The following ACTR3B variants were observed in gnomAD, a reference collection of about 807,000 sequenced individuals.
The protein encoded by ACTR3B is actin related protein 3B.
Under a neutral mutation model 59.0 loss-of-function variants are expected in ACTR3B, and 8 were observed. That is an observed-to-expected ratio of 0.14 (90% confidence interval 0.08 to 0.24). The LOEUF is 0.24. Among genes scored for constraint, ACTR3B ranks in the 10% least tolerant of loss-of-function variants. The pLI, the probability that ACTR3B is intolerant of heterozygous loss-of-function variation, is 1.00. For synonymous variants in ACTR3B, 148 were observed against 197.9 expected (o/e 0.75, Z 2.12); for missense variants, 245 against 552.3 (o/e 0.44, Z 5.58).
At chr7:152,833,588 CTG>C (rs2116920210) in intron 9 of ACTR3B, among the ~76,000 whole-genome samples, 1 of 152,218 alleles carries the variant, frequency 6.6e-6, no homozygotes, top group African/African-American at 2.4e-5. Context: ...ATAGGTGGCA[CTG>C]TGTGTCTGTT....
At position 152,767,679 on chromosome 7, in the gene ACTR3B, G is replaced by A. The variant is rs62494299; in HGVS notation, c.44+7753G>A. On this transcript the variant is annotated intron_variant, in intron 1 of 11. Coordinates refer to ENST00000256001, the MANE Select transcript of ACTR3B (RefSeq NM_020445.6). ...ATTTTGTGTCTTTTAGGAATATTGT[G>A]GTGTTTCTGCAGGTAGATTTCTTGT... Among the ~76,000 whole-genome samples the A allele has an allele frequency of 9.8e-3, 1,487 of 152,082 alleles. 18 individuals are homozygous for A. The highest frequency in any genetic ancestry group is 0.017 in the Non-Finnish European group (1,181 of 67,976).
intron 1 of ACTR3B, among the ~76,000 whole-genome samples, chr7:152,760,885 A>C (rs1243192082): frequency 6.6e-6 from 1 of 151,938 alleles, no homozygotes; most frequent in East Asian, 1.9e-4. Context: ...CCTGGAAGTA[A>C]ATTTGGTCTC....
At chr7:152,828,518 G>A (rs1473458791) in intron 9 of ACTR3B, among the ~76,000 whole-genome samples, 8 of 152,156 alleles carry the variant, frequency 5.3e-5, no homozygotes, top group Admixed American at 2.6e-4. Flanking sequence ...GCCCCGAATC[G>A]TCTGTGTTAG....
At chr7:152,778,325 A>G (rs2098141440) in intron 1 of ACTR3B, among the ~76,000 whole-genome samples, 1 of 150,426 alleles carries the variant, frequency 6.6e-6, no homozygotes, top group African/African-American at 2.4e-5. Context: ...GTGCAGTGGC[A>G]CCAGGGCTCA....
chr7:152,777,949 CAAA>C (rs113672566), intron 1 of ACTR3B, among the ~76,000 whole-genome samples: 2 of 124,424 alleles, frequency 1.6e-5, no homozygotes, highest in Non-Finnish European at 1.7e-5. Context: ...GACTCCGTCT[CAAA>C]AAAAAAAAAA....
At chr7:152,801,471 A>G in intron 3 of ACTR3B, 150 bp from the exon 4 acceptor site, 2 of 696,424 alleles carry the variant, frequency 2.9e-6, no homozygotes, top group Non-Finnish European at 2.3e-6. Flanking sequence ...TTTTTTCCAA[A>G]TGCTGTTGTT....
At chr7:152,775,218 AT>A (rs2098133652) in intron 1 of ACTR3B, among the ~76,000 whole-genome samples, 19 of 135,958 alleles carry the variant, frequency 1.4e-4, no homozygotes, top group African/African-American at 5.5e-4. Flanking sequence ...AAAAAAAAAG[AT>A]GTAAAACACT....
chr7:152,817,182 T>C (rs2689608), intron 6 of ACTR3B, among the ~76,000 whole-genome samples: 1 of 152,152 alleles, frequency 6.6e-6, no homozygotes, highest in East Asian at 1.9e-4. Flanking sequence ...GTCGGGAATT[T>C]GAGACCTGCC....
In ACTR3B at chr7:152,759,823, G is replaced by C; in HGVS notation, c.-60G>C. The C allele has an allele frequency of 2.5e-6, 3 of 1,177,622 alleles. No homozygotes were observed. The highest frequency in any genetic ancestry group is 3.2e-6 in the Non-Finnish European group (3 of 949,226). 72.9% of individuals were successfully genotyped at this position (1,177,622 alleles called of 1,614,324 possible). ...GCGCGCGGGGCTAGCGGGCGGCGGA[G>C]CGGACGGCGACGGGGCGCTCTCGGG... On this transcript the variant is annotated 5_prime_UTR_variant, in exon 1 of 12. Coordinates refer to ENST00000256001, the MANE Select transcript of ACTR3B (RefSeq NM_020445.6).
intron 1 of ACTR3B, among the ~76,000 whole-genome samples, chr7:152,778,943 CAA>C (rs59789390): frequency 8.1e-5 from 3 of 36,824 alleles, no homozygotes; most frequent in Non-Finnish European, 1.3e-4. Context: ...ACTGTGTCTC[CAA>C]AAAAAAAAAA....
intron 9 of ACTR3B, among the ~76,000 whole-genome samples, chr7:152,845,387 A>G (rs568098651): frequency 6.6e-6 from 1 of 152,304 alleles, no homozygotes; most frequent in African/African-American, 2.4e-5. Flanking sequence ...TCTTGCCAGT[A>G]TTCATGCAGT....
At chr7:152,841,751 T>A (rs1330853354) in intron 9 of ACTR3B, among the ~76,000 whole-genome samples, 1 of 152,172 alleles carries the variant, frequency 6.6e-6, no homozygotes, top group Admixed American at 6.5e-5. Context: ...ATTGGCCAAA[T>A]GTACACCCTC....
At chr7:152,830,926 A>G (rs1025243086) in intron 9 of ACTR3B, among the ~76,000 whole-genome samples, 7 of 152,186 alleles carry the variant, frequency 4.6e-5, no homozygotes, top group African/African-American at 7.2e-5. Context: ...AAAAATACAT[A>G]TCATTGGTTT....
At chr7:152,772,048 A>G (rs1441647491) in intron 1 of ACTR3B, among the ~76,000 whole-genome samples, 1 of 152,202 alleles carries the variant, frequency 6.6e-6, no homozygotes, top group African/African-American at 2.4e-5. Flanking sequence ...CTGGGCAACG[A>G]GAGTGAAACT....
At chr7:152,769,446 T>G (rs2098118984) in intron 1 of ACTR3B, among the ~76,000 whole-genome samples, 1 of 152,152 alleles carries the variant, frequency 6.6e-6, no homozygotes, top group Non-Finnish European at 1.5e-5. Flanking sequence ...CTGATATAGA[T>G]ATATATATAT....
At chr7:152,809,520 A>T (rs2098262773) in intron 4 of ACTR3B, among the ~76,000 whole-genome samples, 2 of 150,506 alleles carry the variant, frequency 1.3e-5, no homozygotes, top group Non-Finnish European at 3.0e-5. Context: ...GTTAGCACAC[A>T]CTTGTTTTTG....
intron 9 of ACTR3B, among the ~76,000 whole-genome samples, chr7:152,827,564 T>C (rs1196222339): frequency 6.6e-6 from 1 of 151,498 alleles, no homozygotes; most frequent in Non-Finnish European, 1.5e-5. Context: ...TTGCACGTGG[T>C]TCACGTCTGG....
intron 2 of ACTR3B, among the ~76,000 whole-genome samples, chr7:152,788,274 T>A (rs866412071): frequency 6.6e-6 from 1 of 151,720 alleles, no homozygotes; most frequent in African/African-American, 2.4e-5. Flanking sequence ...TATTTATAGA[T>A]TAATTGGGGA....
rs1423883545 is a variant in ACTR3B, at chr7:152,796,881, T to G, written c.101-3650T>G. ...TTGTGTTTTTTTTTTTTTTTTTTTT[T>G]TTTTTTTTTTTTTTTTTGTAGAGAC... On this transcript the variant is annotated intron_variant, in intron 2 of 11. Transcript: ENST00000256001. Among the ~76,000 whole-genome samples the G allele has an allele frequency of 3.9e-3, 448 of 115,298 alleles. 1 individual carries two copies. The highest frequency in any genetic ancestry group is 6.0e-3 in the Non-Finnish European group (326 of 54,182). 75.6% of individuals were successfully genotyped at this position (115,298 alleles called of 152,430 possible).
Sources: gnomAD v4.1 joint callset for allele counts (sites outside exome capture counted in the v4.1 genomes callset) on GRCh38, gnomAD v4.1.1 for gene constraint, MANE v1.5 for transcripts, NCBI Gene and HGNC (gene_info 2026-07-23, HGNC 2026-07-21) for gene names.